RPS7: variants seen among roughly 807,000 people sequenced by gnomAD.
RPS7 encodes the protein small ribosomal subunit protein eS7.
RPS7 carries 1 observed loss-of-function variant against 22.1 expected under a neutral mutation model. The ratio of observed to expected loss-of-function variants is 0.05; its 90% CI spans 0.02 to 0.21. The LOEUF is 0.21. RPS7 is among the 10% of genes least tolerant of loss of function. The probability of loss-of-function intolerance (pLI) is 1.00; values close to 1 mark genes in which losing one functional copy is unlikely to be tolerated. For synonymous variants in RPS7, 80 were observed against 92.0 expected (o/e 0.87, Z 0.74); for missense variants, 137 against 246.4 (o/e 0.56, Z 2.97).
chr2:3,575,843 G>T lies in RPS7; in HGVS notation c.102G>T (p.Ser34=). The T allele has an allele frequency of 6.2e-7, 1 of 1,612,054 alleles. No individual in the cohort carries two copies. The highest frequency in any genetic ancestry group is 1.1e-5 in the South Asian group (1 of 90,938). ...CTCTTCTGGAGCTGGAGATGAACTC[G>T]GACCTCAAGGCTCAGCTCAGGGAGC... The part of the protein sequence containing the change: ...SQALLELEMN[S]DLKAQLRELN... The change falls in exon 3 of 7, where the codon TCG becomes TCT. Residue 34 remains serine, a synonymous_variant. Coordinates refer to ENST00000645674, the MANE Select transcript of RPS7 (RefSeq NM_001011.4).
At chr2:3,578,893 C>G (rs1406688044) in intron 5 of RPS7, 1 of 152,156 alleles carries the variant, frequency 6.6e-6, no homozygotes, top group Non-Finnish European at 1.5e-5. Flanking sequence ...TCTAGTGGGA[C>G]CTAGTCTGTA....
In RPS7 at chr2:3,575,904, C is replaced by T. The variant is rs912491105; in HGVS notation, c.147+16C>T. ...GGCAGCTAAGGTAAGCTGGCGCTCC[C>T]TCGGCTGGGAGGGAGGTTGCGGCGC... On this transcript the variant is annotated intron_variant, in intron 3 of 6. Transcript: ENST00000645674. 1 of 1,589,520 alleles carries T rather than the reference C, an allele frequency of 6.3e-7. No individual in the cohort carries two copies. The highest frequency in any genetic ancestry group is 8.6e-7 in the Non-Finnish European group (1 of 1,163,748).
intron 5 of RPS7, chr2:3,578,464 A>C (rs1002360572): frequency 6.6e-6 from 1 of 152,232 alleles, no homozygotes; most frequent in Non-Finnish European, 1.5e-5. Flanking sequence ...GGATGAGGAA[A>C]CTGATCCAAG....
chr2:3,580,706 A>C, intron 6 of RPS7, 99 bp from the exon 7 acceptor site: 1 of 773,568 alleles, frequency 1.3e-6, no homozygotes, highest in East Asian at 2.5e-5. Context: ...TTAGTTGCTG[A>C]GGAGAAAAAC....
chr2:3,580,709 A>G lies in RPS7; in HGVS notation c.508-96A>G, dbSNP rs1344892555. The G allele has an allele frequency of 3.3e-5, 26 of 791,108 alleles. 1 individual carries two copies. Among genetic ancestry groups the G allele is most frequent in the South Asian group, 7.0e-5 (5 of 71,282 alleles). 49.0% of individuals were successfully genotyped at this position (791,108 alleles called of 1,614,324 possible). On this transcript the variant is annotated intron_variant, in intron 6 of 6. Transcript: ENST00000645674. Reference sequence around the variant, plus strand: ...TGTTGTGTGTACTTAGTTGCTGAGGAGAAAAACAATACAGGGCACAATTTC... The same window carrying G: ...TGTTGTGTGTACTTAGTTGCTGAGGGGAAAAACAATACAGGGCACAATTTC...
chr2:3,577,526 A>G (rs901820537), intron 4 of RPS7, 184 bp from the exon 5 acceptor site: 17 of 608,220 alleles, frequency 2.8e-5, no homozygotes, highest in Admixed American at 8.8e-5. Flanking sequence ...GATTTATTCA[A>G]GAATCAGGAA....
rs541050041 is a variant in RPS7 at position 3,580,620 on chromosome 2, G to A, written c.508-185G>A. On this transcript the variant is annotated intron_variant, in intron 6 of 6. Coordinates refer to ENST00000645674, the MANE Select transcript of RPS7 (RefSeq NM_001011.4). The stretch of plus-strand genomic sequence containing the variant: ...CTGATGGCTTCCCCGGTGCAGTGGT[G>A]TACAGTTCTGTCCCACAGCATTGGA... 104 of 644,454 alleles carry A rather than the reference G, an allele frequency of 1.6e-4. 2 individuals carry two copies. Among genetic ancestry groups the A allele is most frequent in the South Asian group, 1.5e-3 (84 of 54,260 alleles). 39.9% of individuals were successfully genotyped at this position (644,454 alleles called of 1,614,324 possible). A position where few individuals can be genotyped will look rare whatever the true frequency, so the allele number is the denominator to read the frequency against.
chr2:3,579,845 C>T (rs1315805775), intron 5 of RPS7: 1 of 555,916 alleles, frequency 1.8e-6, no homozygotes, highest in South Asian at 2.1e-5. Flanking sequence ...TCACTCATTG[C>T]CTTGGTGAGT....
chr2:3,580,489 C>T (rs1558473941), intron 6 of RPS7: 2 of 649,120 alleles, frequency 3.1e-6, no homozygotes, highest in Non-Finnish European at 5.5e-6. Context: ...TAGACTCTTT[C>T]TGTGGTCTTT....
intron 1 of RPS7, 71 bp downstream of exon 1, chr2:3,575,421 C>T (rs1661252286): frequency 3.3e-6 from 2 of 610,276 alleles, no homozygotes; most frequent in South Asian, 2.0e-5. Flanking sequence ...TGGAGTCAGG[C>T]CCTGGAGGGG....
At chr2:3,578,592 T>C (rs1046459452) in intron 5 of RPS7, 4 of 152,194 alleles carry the variant, frequency 2.6e-5, no homozygotes, top group South Asian at 2.1e-4. Context: ...TAATGTGTTA[T>C]TGTGTCGAGC....
chr2:3,575,358 G>A lies in RPS7; in HGVS notation c.-19+8G>A. ...AAGCCGGCGCTCGGCAAGGTAGGTT[G>A]GCGGCCTGCTCTCCGACAGAACTTT... is the stretch of plus-strand genomic sequence containing the variant. On this transcript the variant is annotated splice_region_variant and intron_variant, in intron 1 of 6. Coordinates refer to ENST00000645674, the MANE Select transcript of RPS7 (RefSeq NM_001011.4). 1.8e-6 allele frequency: 1 copy of A among 547,466 alleles called. No homozygotes were observed. The highest frequency in any genetic ancestry group is 3.2e-6 in the Non-Finnish European group (1 of 309,702). The allele number at this position is 547,466 out of a possible 1,614,324, so 33.9% of individuals were successfully genotyped here. A position where few individuals can be genotyped will look rare whatever the true frequency, so the allele number is the denominator to read the frequency against.
At position 3,575,903 on chromosome 2, in the gene RPS7, C is replaced by A; in HGVS notation, c.147+15C>A. On this transcript the variant is annotated intron_variant, in intron 3 of 6. Transcript: ENST00000645674. ...CGGCAGCTAAGGTAAGCTGGCGCTC[C>A]CTCGGCTGGGAGGGAGGTTGCGGCG... The A allele has an allele frequency of 6.3e-7, 1 of 1,591,608 alleles. No homozygotes were observed. The highest frequency in any genetic ancestry group is 2.3e-5 in the East Asian group (1 of 44,276).
chr2:3,577,435 T>G, intron 4 of RPS7: 1 of 476,090 alleles, frequency 2.1e-6, no homozygotes, highest in Non-Finnish European at 3.8e-6. Flanking sequence ...AAAAGTAGTA[T>G]TCTGGGTCAT....
intron 3 of RPS7, chr2:3,576,185 C>G (rs144343279): frequency 1.7e-6 from 1 of 590,846 alleles, no homozygotes; most frequent in African/African-American, 1.9e-5. Context: ...CGGCAAAGAG[C>G]TGTGGGGAGC....
chr2:3,577,460 GCGT>G, intron 4 of RPS7: 1 of 539,920 alleles, frequency 1.9e-6, no homozygotes, highest in Non-Finnish European at 3.3e-6. Context: ...ATGGGGAAAG[GCGT>G]ATCTGGGAGA....
chr2:3,577,649 C>A, intron 4 of RPS7, 61 bp from the exon 5 acceptor site: 2 of 1,262,130 alleles, frequency 1.6e-6, no homozygotes, highest in South Asian at 1.2e-5. Context: ...ATGGCAGTTA[C>A]AGCTTTTTGT....
chr2:3,577,534 G>A, intron 4 of RPS7, 176 bp from the exon 5 acceptor site: 1 of 615,728 alleles, frequency 1.6e-6, no homozygotes, highest in Non-Finnish European at 2.9e-6. Context: ...CAAGAATCAG[G>A]AAGTAACTCC....
chr2:3,576,333 A>G, intron 3 of RPS7, 154 bp from the exon 4 acceptor site: 1 of 759,560 alleles, frequency 1.3e-6, no homozygotes, highest in East Asian at 2.6e-5. Flanking sequence ...AGATGAGAAC[A>G]TTTCCGAAGG....
Sources: allele counts gnomAD v4.1 joint callset, GRCh38; gene constraint gnomAD v4.1.1; transcripts MANE v1.5; gene names NCBI Gene and HGNC (gene_info 2026-07-23, HGNC 2026-07-21).